Variants in GALNT17 observed in about 807,000 individuals in gnomAD.
GALNT17 encodes the protein UDP-GalNAc:polypeptide N-acetylgalactosaminyltransferase-like 3.
In GALNT17, 29 loss-of-function variants were observed where a neutral mutation model predicts 63.7. The ratio of observed to expected loss-of-function variants is 0.46; its 90% CI spans 0.34 to 0.62. The LOEUF is 0.62. Ranked by LOEUF, GALNT17 falls within the 20% of genes least tolerant of loss-of-function variation. GALNT17 has a pLI of 0.01. For synonymous variants in GALNT17, 305 were observed against 318.3 expected, an observed-to-expected ratio of 0.96 and a Z score of 0.45; for missense variants, 603 against 799.6, an observed-to-expected ratio of 0.75 and a Z score of 2.97.
At chr7:71,591,031 G>C (rs1464767319) in intron 6 of GALNT17, among the ~76,000 whole-genome samples, 1 of 152,014 alleles carries the variant, frequency 6.6e-6, no homozygotes, top group African/African-American at 2.4e-5. Context: ...AAAGTACTGG[G>C]ATTACAGGCA....
intron 5 of GALNT17, among the ~76,000 whole-genome samples, chr7:71,425,667 T>A (rs1298929470): frequency 6.6e-6 from 1 of 152,004 alleles, no homozygotes; most frequent in Admixed American, 6.5e-5. Context: ...CCCCAGAACT[T>A]GATCTTGCCT....
intron 5 of GALNT17, among the ~76,000 whole-genome samples, chr7:71,446,212 T>C (rs1325821179): frequency 1.3e-5 from 2 of 152,186 alleles, no homozygotes; most frequent in African/African-American, 4.8e-5. Context: ...GACCAGAGCC[T>C]AGGAGACCAA....
chr7:71,419,428 G>A (rs766360353), intron 4 of GALNT17, among the ~76,000 whole-genome samples: 2 of 152,070 alleles, frequency 1.3e-5, no homozygotes, highest in Non-Finnish European at 2.9e-5. Context: ...GAAATATTTC[G>A]AATGGCCCCC....
At chr7:71,204,555 C>T (rs1193620791) in intron 1 of GALNT17, among the ~76,000 whole-genome samples, 3 of 148,734 alleles carry the variant, frequency 2.0e-5, no homozygotes, top group Non-Finnish European at 4.4e-5. Flanking sequence ...CTCTTCTCTT[C>T]TCTTTTTTCT....
At chr7:71,618,429 C>T (rs1790248331) in intron 6 of GALNT17, among the ~76,000 whole-genome samples, 1 of 152,150 alleles carries the variant, frequency 6.6e-6, no homozygotes, top group African/African-American at 2.4e-5. Context: ...ACATTCCTTC[C>T]AACAGTGTGT....
At chr7:71,313,254 AT>A (rs374108366) in intron 1 of GALNT17, among the ~76,000 whole-genome samples, 29 of 152,314 alleles carry the variant, frequency 1.9e-4, no homozygotes, top group African/African-American at 5.3e-4. Context: ...TCTCTGAATC[AT>A]TGCAAAAATT....
intron 6 of GALNT17, among the ~76,000 whole-genome samples, chr7:71,583,239 G>T (rs907227885): frequency 6.6e-6 from 1 of 151,966 alleles, no homozygotes; most frequent in Non-Finnish European, 1.5e-5. Context: ...GGACCACAGG[G>T]GCACACCACC....
chr7:71,268,804 G>A (rs1485870866), intron 1 of GALNT17, among the ~76,000 whole-genome samples: 2 of 152,076 alleles, frequency 1.3e-5, no homozygotes, highest in African/African-American at 4.8e-5. Flanking sequence ...GGTTGTGCCT[G>A]TCTCCTGTCT....
intron 5 of GALNT17, among the ~76,000 whole-genome samples, chr7:71,467,614 G>T (rs897774780): frequency 1.3e-5 from 2 of 152,052 alleles, no homozygotes; most frequent in Non-Finnish European, 2.9e-5. Flanking sequence ...AGTAATTTCT[G>T]CATGTGAATC....
chr7:71,235,250 C>T (rs536650632), intron 1 of GALNT17, among the ~76,000 whole-genome samples: 4 of 145,196 alleles, frequency 2.8e-5, no homozygotes, highest in African/African-American at 5.3e-5. Flanking sequence ...CACTCCATCT[C>T]GGAAAAAAAA....
intron 6 of GALNT17, among the ~76,000 whole-genome samples, chr7:71,608,162 G>A (rs12667238): frequency 3.3e-5 from 5 of 152,228 alleles, no homozygotes; most frequent in Non-Finnish European, 5.9e-5. Context: ...TCTCAGAAAC[G>A]TGCATGTGAG....
At chr7:71,286,161 A>G (rs1167756010) in intron 1 of GALNT17, among the ~76,000 whole-genome samples, 1 of 152,174 alleles carries the variant, frequency 6.6e-6, no homozygotes, top group Non-Finnish European at 1.5e-5. Context: ...GTGTGCACAC[A>G]TTACTAGGGC....
chr7:71,255,237 A>C (rs1329745194), intron 1 of GALNT17, among the ~76,000 whole-genome samples: 1 of 152,168 alleles, frequency 6.6e-6, no homozygotes, highest in Non-Finnish European at 1.5e-5. Context: ...GAGGTAACTG[A>C]ATCATGCGGG....
At chr7:71,460,902 G>A (rs561605900) in intron 5 of GALNT17, among the ~76,000 whole-genome samples, 11 of 152,240 alleles carry the variant, frequency 7.2e-5, no homozygotes, top group East Asian at 1.9e-4. Flanking sequence ...GGTTTTGGCC[G>A]GCTTCTTTAC....
chr7:71,465,417 C>T (rs1233560344), intron 5 of GALNT17, among the ~76,000 whole-genome samples: 1 of 152,232 alleles, frequency 6.6e-6, no homozygotes, highest in Non-Finnish European at 1.5e-5. Flanking sequence ...CTCCCCTCCA[C>T]TGTTACACAA....
At chr7:71,396,853 T>C (rs549893609) in intron 3 of GALNT17, among the ~76,000 whole-genome samples, 3 of 152,254 alleles carry the variant, frequency 2.0e-5, no homozygotes, top group African/African-American at 7.2e-5. Context: ...TATTTCTTAA[T>C]GTTTTATTCT....
chr7:71,345,640 TG>T (rs950856802), intron 2 of GALNT17, among the ~76,000 whole-genome samples: 21 of 152,106 alleles, frequency 1.4e-4, no homozygotes, highest in Admixed American at 9.8e-4. Flanking sequence ...CCAACTCCAG[TG>T]GGTATTTTAG....
At chr7:71,136,988 T>C (rs1242990364) in intron 1 of GALNT17, among the ~76,000 whole-genome samples, 1 of 151,826 alleles carries the variant, frequency 6.6e-6, no homozygotes, top group Admixed American at 6.6e-5. Context: ...GGTTCTGCCA[T>C]GTTGCCAGGG....
chr7:71,174,936 C>T (rs1442927045), intron 1 of GALNT17, among the ~76,000 whole-genome samples: 1 of 152,134 alleles, frequency 6.6e-6, no homozygotes, highest in African/African-American at 2.4e-5. Context: ...GGTTTATTTC[C>T]ACTTTTGAAA....
Sources: allele counts gnomAD v4.1 joint callset (sites outside exome capture counted in the v4.1 genomes callset), GRCh38; gene constraint gnomAD v4.1.1; transcripts MANE v1.5; gene names NCBI Gene and HGNC (gene_info 2026-07-23, HGNC 2026-07-21).